The following GPC6 variants were observed in gnomAD, a reference collection of about 807,000 sequenced individuals.
The protein encoded by GPC6 is glypican-6.
A neutral mutation model predicts 55.2 loss-of-function variants in GPC6; 14 were observed. The ratio of observed to expected loss-of-function variants is 0.25; its 90% CI spans 0.17 to 0.40. GPC6 has a LOEUF of 0.40. GPC6 is among the 10% of genes least tolerant of loss of function. The pLI is 1.00. For missense variants in GPC6, 641 were observed against 708.5 expected (o/e 0.90, Z 1.08); for synonymous variants, 278 against 259.6 (o/e 1.07, Z -0.68).
chr13:93,245,277 C>A (rs892870267), intron 1 of GPC6, among the ~76,000 whole-genome samples: 1 of 152,146 alleles, frequency 6.6e-6, no homozygotes, highest in Admixed American at 6.5e-5. Flanking sequence ...ACTTGAGCAC[C>A]GTTATTCAGT....
At chr13:93,933,142 T>G (rs752658105) in intron 3 of GPC6, among the ~76,000 whole-genome samples, 6 of 151,696 alleles carry the variant, frequency 4.0e-5, no homozygotes, top group Non-Finnish European at 8.8e-5. Flanking sequence ...CAGTGCACTT[T>G]TGTACATGGT....
intron 3 of GPC6, among the ~76,000 whole-genome samples, chr13:93,856,943 A>C (rs1888638020): frequency 6.6e-6 from 1 of 151,612 alleles, no homozygotes; most frequent in Non-Finnish European, 1.5e-5. Context: ...AAATAGCAGT[A>C]ACTACCTTTT....
chr13:94,239,626 G>A (rs961236270), intron 4 of GPC6, among the ~76,000 whole-genome samples: 6 of 152,084 alleles, frequency 3.9e-5, no homozygotes, highest in Admixed American at 3.9e-4. Flanking sequence ...CGGCATTAGA[G>A]TCATTATTGA....
At chr13:93,597,501 A>T (rs1041293671) in intron 2 of GPC6, among the ~76,000 whole-genome samples, 1 of 152,150 alleles carries the variant, frequency 6.6e-6, no homozygotes, top group African/African-American at 2.4e-5. Flanking sequence ...GAAGTCAAAC[A>T]TTTATGAATT....
At chr13:93,409,089 G>A (rs948486190) in intron 1 of GPC6, among the ~76,000 whole-genome samples, 1 of 151,592 alleles carries the variant, frequency 6.6e-6, no homozygotes, top group Non-Finnish European at 1.5e-5. Flanking sequence ...CTTCTATAAG[G>A]GTCAAATGAA....
At chr13:93,687,998 C>T (rs971124849) in intron 2 of GPC6, among the ~76,000 whole-genome samples, 3 of 150,902 alleles carry the variant, frequency 2.0e-5, no homozygotes, top group African/African-American at 4.9e-5. Context: ...ATGAGTTAAT[C>T]AGAAAAAAAA....
chr13:93,967,596 G>C (rs1441335477), intron 3 of GPC6, among the ~76,000 whole-genome samples: 1 of 152,110 alleles, frequency 6.6e-6, no homozygotes, highest in Admixed American at 6.6e-5. Flanking sequence ...TCACCTGCCT[G>C]AGTTATGCAC....
chr13:93,894,325 G>C (rs1425121164), intron 3 of GPC6, among the ~76,000 whole-genome samples: 2 of 152,008 alleles, frequency 1.3e-5, no homozygotes, highest in African/African-American at 4.8e-5. Context: ...TTTACTATTG[G>C]CTTTGTCATG....
chr13:93,797,085 A>G (rs746200555), intron 2 of GPC6, among the ~76,000 whole-genome samples: 5 of 152,250 alleles, frequency 3.3e-5, no homozygotes, highest in Non-Finnish European at 7.3e-5. Context: ...AAAAGAGAAC[A>G]TTTATTTCTG....
At chr13:93,358,481 G>A (rs1045312756) in intron 1 of GPC6, among the ~76,000 whole-genome samples, 9 of 152,132 alleles carry the variant, frequency 5.9e-5, no homozygotes, top group Non-Finnish European at 1.2e-4. Context: ...AGGACAATGA[G>A]ACACAATGAA....
At chr13:94,012,044 T>A (rs1245093857) in intron 3 of GPC6, among the ~76,000 whole-genome samples, 1 of 152,186 alleles carries the variant, frequency 6.6e-6, no homozygotes, top group Non-Finnish European at 1.5e-5. Context: ...ACCGCCATCT[T>A]ATTTTCTTTG....
In GPC6 at chr13:93,876,538, A is replaced by G. The variant is rs988497797; in HGVS notation, c.711+45993A>G. On this transcript the variant is annotated intron_variant, in intron 3 of 8. Coordinates refer to ENST00000377047, the MANE Select transcript of GPC6 (RefSeq NM_005708.5). ...ACGGAATACTTTTTGTTGCCTAAAA[A>G]TGAGAGTTTCAGAATGAGTTAATAC... is the stretch of plus-strand genomic sequence containing the variant. 3.3e-5 allele frequency among the ~76,000 whole-genome samples: 5 copies of G among 152,164 alleles called. No individual in the cohort carries two copies. The South Asian group carries it at 1.0e-3, about 32-fold the overall frequency.
intron 4 of GPC6, among the ~76,000 whole-genome samples, chr13:94,197,034 G>GT (rs147266802): frequency 0.13 from 19,971 of 151,852 alleles, 1,389 homozygotes; most frequent in South Asian, 0.22. Flanking sequence ...CAAAATGTGG[G>GT]TTTTTTTTAA....
At chr13:94,380,831 T>C (rs1020870097) in intron 6 of GPC6, among the ~76,000 whole-genome samples, 2 of 152,238 alleles carry the variant, frequency 1.3e-5, no homozygotes, top group Admixed American at 1.3e-4. Context: ...CAGAGCCCTC[T>C]GCTGCATTTG....
At chr13:93,723,276 T>G (rs1235483476) in intron 2 of GPC6, among the ~76,000 whole-genome samples, 1 of 152,034 alleles carries the variant, frequency 6.6e-6, no homozygotes, top group Admixed American at 6.6e-5. Flanking sequence ...TTCTGGAGCA[T>G]CCAGGATGCA....
At chr13:93,269,340 G>T (rs1396246777) in intron 1 of GPC6, among the ~76,000 whole-genome samples, 2 of 152,046 alleles carry the variant, frequency 1.3e-5, no homozygotes, top group African/African-American at 2.4e-5. Context: ...TATAATTTTT[G>T]AAATCAGTAT....
chr13:94,296,670 G>C (rs1212472301), intron 5 of GPC6, among the ~76,000 whole-genome samples: 14 of 152,190 alleles, frequency 9.2e-5, no homozygotes, highest in Non-Finnish European at 2.1e-4. Context: ...GTAAACATGT[G>C]AAGGAGTCAC....
intron 2 of GPC6, among the ~76,000 whole-genome samples, chr13:93,659,996 T>C (rs192464797): frequency 6.6e-6 from 1 of 152,228 alleles, no homozygotes; most frequent in Admixed American, 6.5e-5. Flanking sequence ...TATCCTTTCA[T>C]TGTATGTTAG....
At chr13:94,287,797 T>G (rs555182767) in intron 5 of GPC6, among the ~76,000 whole-genome samples, 8 of 152,294 alleles carry the variant, frequency 5.3e-5, no homozygotes, top group Non-Finnish European at 8.8e-5. Flanking sequence ...TAATGTTATT[T>G]TGAAAGGCAC....
Sources: allele counts gnomAD v4.1 joint callset (sites outside exome capture counted in the v4.1 genomes callset), GRCh38; gene constraint gnomAD v4.1.1; transcripts MANE v1.5; gene names NCBI Gene and HGNC (gene_info 2026-07-23, HGNC 2026-07-21).